THSD7A: variants seen among roughly 807,000 people sequenced by gnomAD.
The protein encoded by THSD7A is thrombospondin type 1 domain containing 7A.
A neutral mutation model predicts 231.3 loss-of-function variants in THSD7A; 96 were observed. That is an observed-to-expected ratio of 0.41 (90% CI 0.35 to 0.49). The LOEUF (loss-of-function observed/expected upper bound fraction) is 0.49. Among genes scored for constraint, THSD7A ranks in the 20% least tolerant of loss-of-function variants. The probability of loss-of-function intolerance (pLI) is 0.05; values close to 1 mark genes in which losing one functional copy is unlikely to be tolerated. For missense variants in THSD7A, 2,290 were observed against 2,070.2 expected (o/e 1.11, Z -2.06); for synonymous variants, 940 against 743.3 (o/e 1.26, Z -4.30).
At chr7:11,531,249 T>A (rs1306564548) in intron 6 of THSD7A, among the ~76,000 whole-genome samples, 3 of 152,188 alleles carry the variant, frequency 2.0e-5, no homozygotes, top group Non-Finnish European at 4.4e-5. Context: ...CATCTCTCAT[T>A]GGAATTATAG....
At chr7:11,780,765 T>C (rs1192972562) in intron 1 of THSD7A, among the ~76,000 whole-genome samples, 1 of 152,050 alleles carries the variant, frequency 6.6e-6, no homozygotes, top group Non-Finnish European at 1.5e-5. Context: ...TAGACAGCAA[T>C]GGATAACCAA....
intron 1 of THSD7A, among the ~76,000 whole-genome samples, chr7:11,818,739 G>T (rs993823365): frequency 2.0e-5 from 3 of 152,146 alleles, no homozygotes; most frequent in Non-Finnish European, 4.4e-5. Context: ...CAGCTTGCAG[G>T]CTTAACTTAA....
intron 8 of THSD7A, among the ~76,000 whole-genome samples, chr7:11,471,989 ATGTTATCAT>A (rs1280687090): frequency 1.3e-5 from 2 of 152,168 alleles, no homozygotes; most frequent in Non-Finnish European, 2.9e-5. Context: ...GAAATTTACA[ATGTTATCAT>A]TGACAACCTC....
rs572855653 is a variant in THSD7A, at chr7:11,598,059, C to A, written c.1023-4557G>T. On this transcript the variant is annotated intron_variant, in intron 2 of 27. Coordinates refer to ENST00000423059, the MANE Select transcript of THSD7A (RefSeq NM_015204.3). ...CAGCACTAAGCCCCTTTCTAGGACA[C>A]CCCTCAAGGACAGCAGTGAAGGGAA... Among the ~76,000 whole-genome samples, 5 of 152,186 alleles carry A rather than the reference C, an allele frequency of 3.3e-5. No individual in the cohort carries two copies. The South Asian group carries it at 8.3e-4, about 25-fold the overall frequency.
At chr7:11,527,401 A>G (rs1032287119) in intron 6 of THSD7A, among the ~76,000 whole-genome samples, 5 of 152,166 alleles carry the variant, frequency 3.3e-5, no homozygotes, top group East Asian at 1.9e-4. Flanking sequence ...ATATATATAT[A>G]TATGTTGAGG....
chr7:11,540,360 G>A (rs1004466667), intron 6 of THSD7A, among the ~76,000 whole-genome samples: 2 of 152,176 alleles, frequency 1.3e-5, no homozygotes, highest in Non-Finnish European at 1.5e-5. Flanking sequence ...ACACCAGAGA[G>A]TGTCTTTCTT....
Position 11,631,821 on chromosome 7 carries a change from T to C in THSD7A, c.1022+4309A>G, listed in dbSNP as rs186062437. ...TGGAACTTTTAGATAAGCAACACCATTTTGGTTTGGTCTGTTGGGCCTGGT... is the reference window on the plus strand; with the variant it reads ...TGGAACTTTTAGATAAGCAACACCACTTTGGTTTGGTCTGTTGGGCCTGGT... On this transcript the variant is annotated intron_variant, in intron 2 of 27. Transcript: ENST00000423059. 3.4e-4 allele frequency among the ~76,000 whole-genome samples: 52 copies of C among 152,252 alleles called. 1 individual carries two copies. The highest frequency in any genetic ancestry group is 3.0e-3 in the Admixed American group (46 of 15,290).
At chr7:11,378,817 G>C in intron 26 of THSD7A, 1 of 415,848 alleles carries the variant, frequency 2.4e-6, no homozygotes. Context: ...TTTTGGACTG[G>C]AATTGAATTG....
chr7:11,426,794 C>A, intron 14 of THSD7A, 123 bp from the exon 15 acceptor site: 1 of 982,418 alleles, frequency 1.0e-6, no homozygotes, highest in Non-Finnish European at 1.5e-6. Flanking sequence ...TAAAAACCTA[C>A]TTTTTTGGTA....
chr7:11,417,053 G>C (rs905376539), intron 17 of THSD7A, among the ~76,000 whole-genome samples: 6 of 152,120 alleles, frequency 3.9e-5, no homozygotes, highest in Non-Finnish European at 8.8e-5. Context: ...AAAAGGTACT[G>C]GGCAAAAAGC....
intron 6 of THSD7A, among the ~76,000 whole-genome samples, chr7:11,517,846 A>G (rs1337831691): frequency 6.6e-6 from 1 of 152,216 alleles, no homozygotes; most frequent in Non-Finnish European, 1.5e-5. Context: ...AAAATTTAAC[A>G]TTTATAACTG....
rs183871413 is a variant in THSD7A, at chr7:11,710,073, A to G, written c.191-73112T>C. Among the ~76,000 whole-genome samples the G allele has an allele frequency of 1.8e-4, 27 of 150,912 alleles. No homozygotes were observed. The East Asian group carries it at 5.1e-3, about 29-fold the overall frequency. On this transcript the variant is annotated intron_variant, in intron 1 of 27. Transcript: ENST00000423059. ...CAATCTGATTTTATTGGAAACACAC[A>G]TGATAGAATAAATGCTATTTTTTTT...
At chr7:11,675,129 A>C (rs1783583774) in intron 1 of THSD7A, among the ~76,000 whole-genome samples, 1 of 152,044 alleles carries the variant, frequency 6.6e-6, no homozygotes, top group South Asian at 2.1e-4. Context: ...AAGCAGAAGC[A>C]GGTGGGGTGT....
intron 4 of THSD7A, among the ~76,000 whole-genome samples, chr7:11,547,695 A>G (rs1789456656): frequency 6.6e-6 from 1 of 152,224 alleles, no homozygotes; most frequent in Non-Finnish European, 1.5e-5. Context: ...TACAGAAGTT[A>G]ATACTAAGAT....
At chr7:11,505,817 T>C (rs1787521152) in intron 6 of THSD7A, among the ~76,000 whole-genome samples, 1 of 152,124 alleles carries the variant, frequency 6.6e-6, no homozygotes, top group African/African-American at 2.4e-5. Flanking sequence ...ACCATATTAC[T>C]AGGACAAGCA....
At chr7:11,583,476 A>T (rs1444197496) in intron 4 of THSD7A, among the ~76,000 whole-genome samples, 1 of 151,996 alleles carries the variant, frequency 6.6e-6, no homozygotes, top group African/African-American at 2.4e-5. Context: ...CAGTTTCACC[A>T]TGTTGCACAG....
intron 1 of THSD7A, among the ~76,000 whole-genome samples, chr7:11,742,303 G>T (rs1004287032): frequency 6.6e-6 from 1 of 151,852 alleles, no homozygotes; most frequent in Admixed American, 6.6e-5. Context: ...GTTTTGTCTA[G>T]TCATTTAAAA....
chr7:11,660,845 C>T (rs573921783), intron 1 of THSD7A, among the ~76,000 whole-genome samples: 128 of 151,292 alleles, frequency 8.5e-4, no homozygotes, highest in Non-Finnish European at 1.5e-3. Context: ...ACCAAACGTC[C>T]CAAGGAGAAC....
At chr7:11,674,740 G>A (rs1397497952) in intron 1 of THSD7A, among the ~76,000 whole-genome samples, 1 of 152,118 alleles carries the variant, frequency 6.6e-6, no homozygotes, top group Non-Finnish European at 1.5e-5. Context: ...AAGAAATCCA[G>A]CTATACAAAA....
Sources: gnomAD v4.1 joint callset for allele counts (sites outside exome capture counted in the v4.1 genomes callset) on GRCh38, gnomAD v4.1.1 for gene constraint, MANE v1.5 for transcripts, NCBI Gene and HGNC (gene_info 2026-07-23, HGNC 2026-07-21) for gene names.